The following C3 variants were observed in gnomAD, a reference collection of about 807,000 sequenced individuals.
C3 encodes C3 and PZP-like alpha-2-macroglobulin domain-containing protein 1.
C3 carries 97 observed loss-of-function variants against 207.9 expected under a neutral mutation model. That is an observed-to-expected ratio of 0.47 (90% CI 0.40 to 0.55). The LOEUF is 0.55. Among genes scored for constraint, C3 ranks in the 20% least tolerant of loss-of-function variants. C3 has a pLI of 0.00. For synonymous variants in C3, 848 were observed against 857.6 expected (o/e 0.99, Z 0.20); for missense variants, 1,684 against 2,171.7 (o/e 0.78, Z 4.46).
chr19:6,689,287 A>ACCCCACAGTCACCAC (rs747719619), intron 27 of C3, among the ~76,000 whole-genome samples: 1 of 101,630 alleles, frequency 9.8e-6, no homozygotes, highest in Non-Finnish European at 2.0e-5. Context: ...GATTTGTCTG[A>ACCCCACAGTCACCAC]CCCCACCTCT....
chr19:6,695,459 TG>T (rs1207688881), intron 23 of C3, among the ~76,000 whole-genome samples: 3 of 152,092 alleles, frequency 2.0e-5, no homozygotes, highest in Non-Finnish European at 4.4e-5. Context: ...TGTACTATGT[TG>T]CTTGTCTTTT....
intron 15 of C3, 99 bp downstream of exon 15, chr19:6,707,701 G>C (rs978523932): frequency 4.5e-6 from 7 of 1,572,118 alleles, no homozygotes; most frequent in East Asian, 2.2e-5. Flanking sequence ...GTGGAGGCGG[G>C]GCTTGAACCC....
Position 6,696,456 on chromosome 19 carries a change from T to C in C3, c.2873A>G (p.Gln958Arg). Residue 958 changes from glutamine to arginine, a missense_variant, in exon 23 of 41, where the codon CAG (glutamine) becomes CGG (arginine). Physicochemically the swap from Gln to Arg is conservative, Grantham distance 43. This residue lies in a region of C3 where 1,280 missense variants were observed against 1,739.1 expected (regional missense o/e 0.74). Coordinates refer to ENST00000245907, the MANE Select transcript of C3 (RefSeq NM_000064.4). ...GTCTGCAGGTGGGATGTCCTCTTTCTGCACTCCTTCTGCAGGGTGAGTGAG... is the reference window on the plus strand; with the variant it reads ...GTCTGCAGGTGGGATGTCCTCTTTCCGCACTCCTTCTGCAGGGTGAGTGAG... ...DPERLGREGV[Q>R]KEDIPPADLS... 1 of 1,613,386 alleles carries C rather than the reference T, an allele frequency of 6.2e-7. No individual in the cohort carries two copies. Among genetic ancestry groups the C allele is most frequent in the Non-Finnish European group, 8.5e-7 (1 of 1,179,412 alleles).
intron 28 of C3, 31 bp from the exon 29 acceptor site, chr19:6,686,318 C>T: frequency 6.2e-7 from 1 of 1,612,284 alleles, no homozygotes; most frequent in Admixed American, 1.7e-5. Flanking sequence ...CCCCAGTGCT[C>T]ACTGCTCTGT....
Position 6,707,478 on chromosome 19 carries a change from G to T in C3, c.2035C>A (p.Arg679=). Residue 679 remains arginine, a synonymous_variant, in exon 16 of 41, where the codon CGA becomes AGA. Coordinates refer to ENST00000245907, the MANE Select transcript of C3 (RefSeq NM_000064.4). ...GAAAGGCTCCCACCTTTGTCCATTCGCTTCTCCGTGAGCTGCACGGAACGG... is the reference window on the plus strand; with the variant it reads ...GAAAGGCTCCCACCTTTGTCCATTCTCTTCTCCGTGAGCTGCACGGAACGG... ...RRRSVQLTEK[R]MDKVGKYPKE... is the part of the protein sequence containing the mutation. 6.2e-7 allele frequency: 1 copy of T among 1,614,028 alleles called. No homozygotes were observed. Among genetic ancestry groups the T allele is most frequent in the Non-Finnish European group, 8.5e-7 (1 of 1,179,958 alleles).
chr19:6,713,143 CG>C lies in C3; in HGVS notation c.1003+45del, dbSNP rs1236238618. The C allele has an allele frequency of 9.9e-6, 16 of 1,611,026 alleles. No individual in the cohort carries two copies. The Admixed American group carries it at 1.8e-4, about 18-fold the overall frequency. On this transcript the variant is annotated intron_variant, in intron 9 of 40. Coordinates refer to ENST00000245907, the MANE Select transcript of C3 (RefSeq NM_000064.4). The stretch of plus-strand genomic sequence containing the variant: ...TCTGACCTGGTCTCCCCTCTCAGAC[CG>C]GCCCACTTGGTGGTCCTGAGCCTGG...
chr19:6,697,259 C>A, intron 21 of C3, 85 bp downstream of exon 21: 1 of 1,007,974 alleles, frequency 9.9e-7, no homozygotes, highest in Admixed American at 1.9e-5. Flanking sequence ...TGTCTCAGAG[C>A]CTGGATCTCC....
chr19:6,702,105 AC>A, intron 19 of C3, 21 bp downstream of exon 19: 1 of 1,397,210 alleles, frequency 7.2e-7, no homozygotes. Flanking sequence ...CCTCCCGGGG[AC>A]CAGCCAGCAT....
At chr19:6,714,636 C>T (rs533764933) in intron 4 of C3, among the ~76,000 whole-genome samples, 190 bp from the exon 5 acceptor site, 1 of 152,188 alleles carries the variant, frequency 6.6e-6, no homozygotes, top group African/African-American at 2.4e-5. Flanking sequence ...CTGAGGCGGG[C>T]AGATCACCTG....
chr19:6,681,927 T>G lies in C3; in HGVS notation c.4350+14A>C, dbSNP rs776123692. The G allele has an allele frequency of 1.9e-6, 3 of 1,605,088 alleles. No individual in the cohort carries two copies. The highest frequency in any genetic ancestry group is 2.6e-6 in the Non-Finnish European group (3 of 1,172,098). ...CCCCTGGAAGCCTCCCAGGGGAGGA[T>G]GATGCAGCCTTACCTTGTCCAGGTA... is the stretch of plus-strand genomic sequence containing the variant. On this transcript the variant is annotated intron_variant, in intron 35 of 40. Coordinates refer to ENST00000245907, the MANE Select transcript of C3 (RefSeq NM_000064.4).
At position 6,707,790 on chromosome 19, in the gene C3, G is replaced by A; in HGVS notation, c.1975+10C>T. ...TCTGTCCCTGCACCGGCCCCTGGTGGCGACCTCACCTGCCCTCTGGGCGGT... is the reference window on the plus strand; with the variant it reads ...TCTGTCCCTGCACCGGCCCCTGGTGACGACCTCACCTGCCCTCTGGGCGGT... On this transcript the variant is annotated intron_variant, in intron 15 of 40. Coordinates refer to ENST00000245907, the MANE Select transcript of C3 (RefSeq NM_000064.4). The A allele has an allele frequency of 6.2e-7, 1 of 1,612,980 alleles. No homozygotes were observed. Among genetic ancestry groups the A allele is most frequent in the Non-Finnish European group, 8.5e-7 (1 of 1,179,938 alleles).
intron 19 of C3, among the ~76,000 whole-genome samples, chr19:6,699,252 TTTTG>T (rs1967599193): frequency 6.6e-6 from 1 of 151,214 alleles, no homozygotes. Flanking sequence ...TCTTTTTTTT[TTTTG>T]TAGAGACGGG....
Position 6,678,208 on chromosome 19 carries a change from C to A in C3, c.4794G>T (p.Glu1598Asp). 1 of 1,614,190 alleles carries A rather than the reference C, an allele frequency of 6.2e-7. No individual in the cohort carries two copies. Among genetic ancestry groups the A allele is most frequent in the South Asian group, 1.1e-5 (1 of 91,088 alleles). The change falls in exon 40 of 41, where the codon GAG becomes GAT. Residue 1598 changes from glutamate to aspartate, a missense_variant. By Grantham distance (45) the Glu-to-Asp change is conservative (BLOSUM62 2). This residue lies in a region of C3 where 346 missense variants were observed against 380.1 expected (regional missense o/e 0.91). Transcript: ENST00000245907. ...IKCREALKLEEKKHYLMWGLS... is the reference protein window; with the variant it reads ...IKCREALKLEDKKHYLMWGLS... ...GACCCCACATGAGGTAGTGTTTCTT[C>A]TCCTCCAGCTTCAGGGCTTCTCTGC...
In C3 at chr19:6,684,969, CT is replaced by C; in HGVS notation, c.3969+18del. The C allele has an allele frequency of 6.2e-7, 1 of 1,613,310 alleles. No homozygotes were observed. The highest frequency in any genetic ancestry group is 8.5e-7 in the Non-Finnish European group (1 of 1,179,894). On this transcript the variant is annotated intron_variant, in intron 30 of 40. Coordinates refer to ENST00000245907, the MANE Select transcript of C3 (RefSeq NM_000064.4). ...GGGGAGACAGCCAGAGTGAGGAGGG[CT>C]TGGCTGGGTGACTGTACCTCTTCTG...
Position 6,692,990 on chromosome 19 carries a change from G to C in C3, c.3324C>G (p.Ile1108Met). The change falls in exon 26 of 41, where the codon ATC (isoleucine) becomes ATG (methionine). Residue 1108 changes from isoleucine to methionine, a missense_variant. Ile to Met is a conservative substitution (Grantham distance 10, BLOSUM62 1). Transcript: ENST00000245907. ...CCCCGTCGGGCTTCTGCTTCTCCAG[G>C]ATCAGCCATTTAACAGCCCCGCAGA... is the stretch of plus-strand genomic sequence containing the variant. ...QVLCGAVKWL[I>M]LEKQKPDGVF... 6.2e-7 allele frequency: 1 copy of C among 1,614,142 alleles called. No homozygotes were observed. Among genetic ancestry groups the C allele is most frequent in the Non-Finnish European group, 8.5e-7 (1 of 1,180,028 alleles).
At chr19:6,698,597 A>G (rs1967589371) in intron 19 of C3, among the ~76,000 whole-genome samples, 1 of 151,890 alleles carries the variant, frequency 6.6e-6, no homozygotes, top group East Asian at 1.9e-4. Context: ...TAATCACAGC[A>G]CTTTGGGAGG....
intron 4 of C3, 131 bp from the exon 5 acceptor site, chr19:6,714,577 C>G (rs2145432743): frequency 1.4e-6 from 1 of 733,512 alleles, no homozygotes; most frequent in Non-Finnish European, 2.4e-6. Context: ...AGAACAGGGA[C>G]CCAGGTGGGC....
At chr19:6,701,707 T>C (rs534829020) in intron 19 of C3, among the ~76,000 whole-genome samples, 1 of 152,270 alleles carries the variant, frequency 6.6e-6, no homozygotes, top group East Asian at 1.9e-4. Context: ...GTACTTTCAG[T>C]AGAGACGGGG....
chr19:6,700,368 ATATAT>A lies in C3; in HGVS notation c.2440+1754_2440+1758del, dbSNP rs1314315051. Reference sequence around the variant, plus strand: ...TAATATATGATATATATGTAATATGATATATTATATATGTAATATATGATATATAT... The same window carrying A: ...TAATATATGATATATATGTAATATGATATATATGTAATATATGATATATAT... On this transcript the variant is annotated intron_variant, in intron 19 of 40. Transcript: ENST00000245907. Among the ~76,000 whole-genome samples the A allele has an allele frequency of 5.5e-5, 5 of 90,656 alleles. 2 individuals carry two copies. Among genetic ancestry groups the A allele is most frequent in the Non-Finnish European group, 9.3e-5 (5 of 53,836 alleles). The allele number at this position is 90,656 out of a possible 152,430, so 59.5% of individuals were successfully genotyped here. A position where few individuals can be genotyped will look rare whatever the true frequency, so the allele number is the denominator to read the frequency against.
Sources: allele counts gnomAD v4.1 joint callset (sites outside exome capture counted in the v4.1 genomes callset), GRCh38; gene constraint gnomAD v4.1.1; regional missense constraint gnomAD v4.1.1; transcripts MANE v1.5; gene names NCBI Gene and HGNC (gene_info 2026-07-23, HGNC 2026-07-21).